SULF2: variants seen among roughly 807,000 people sequenced by gnomAD.
The protein encoded by SULF2 is sulfatase 2, also known as extracellular sulfatase Sulf-2.
A neutral mutation model predicts 107.7 loss-of-function variants in SULF2; 52 were observed. The ratio of observed to expected loss-of-function variants is 0.48; its 90% confidence interval spans 0.39 to 0.61. The LOEUF (loss-of-function observed/expected upper bound fraction) is 0.61, where lower values mean the gene tolerates loss of function less well. Among genes scored for constraint, SULF2 ranks in the 20% least tolerant of loss-of-function variants. The probability of loss-of-function intolerance (pLI) is 0.00; values close to 1 mark genes in which losing one functional copy is unlikely to be tolerated. For missense variants in SULF2, 993 were observed against 1,177.3 expected (o/e 0.84, Z 2.29); for synonymous variants, 460 against 464.3 (o/e 0.99, Z 0.12).
At chr20:47,740,634 A>G (rs1353566201) in intron 2 of SULF2, among the ~76,000 whole-genome samples, 1 of 142,372 alleles carries the variant, frequency 7.0e-6, no homozygotes, top group Non-Finnish European at 1.5e-5. Context: ...GGTGGTGGAA[A>G]TCCTCTTAAA....
intron 11 of SULF2, among the ~76,000 whole-genome samples, chr20:47,668,814 C>T (rs2087364810): frequency 6.6e-6 from 1 of 151,866 alleles, no homozygotes; most frequent in Non-Finnish European, 1.5e-5. Context: ...TGTGATGTGG[C>T]TGCCCATGCC....
At chr20:47,752,786 A>T (rs1256938387) in intron 2 of SULF2, among the ~76,000 whole-genome samples, 1 of 151,864 alleles carries the variant, frequency 6.6e-6, no homozygotes, top group Non-Finnish European at 1.5e-5. Flanking sequence ...AGATGTTCTG[A>T]GAGGCAAAGA....
intron 3 of SULF2, among the ~76,000 whole-genome samples, chr20:47,718,695 T>C (rs1277350873): frequency 1.3e-5 from 2 of 152,082 alleles, no homozygotes; most frequent in East Asian, 3.9e-4. Context: ...CAAGGATAAC[T>C]CAAGGTTTTT....
At chr20:47,717,974 T>C (rs1269786750) in intron 3 of SULF2, among the ~76,000 whole-genome samples, 1 of 151,976 alleles carries the variant, frequency 6.6e-6, no homozygotes, top group Non-Finnish European at 1.5e-5. Context: ...GCCACCACCA[T>C]GCCCAGCTAA....
At chr20:47,711,306 C>T (rs1418540944) in intron 3 of SULF2, among the ~76,000 whole-genome samples, 1 of 152,248 alleles carries the variant, frequency 6.6e-6, no homozygotes, top group African/African-American at 2.4e-5. Flanking sequence ...GGATCTGCCA[C>T]CTCCTAGCTG....
chr20:47,697,394 G>A (rs2088416418), intron 4 of SULF2, among the ~76,000 whole-genome samples: 1 of 152,182 alleles, frequency 6.6e-6, no homozygotes, highest in Non-Finnish European at 1.5e-5. Flanking sequence ...CTCCCTGCCT[G>A]GGCCTCCCAA....
At chr20:47,766,433 G>A (rs547690097) in intron 1 of SULF2, among the ~76,000 whole-genome samples, 1 of 152,248 alleles carries the variant, frequency 6.6e-6, no homozygotes, top group African/African-American at 2.4e-5. Flanking sequence ...GGGTCATTCA[G>A]AGGGAGGAGG....
intron 4 of SULF2, among the ~76,000 whole-genome samples, chr20:47,690,705 A>G (rs559971928): frequency 1.3e-5 from 2 of 152,084 alleles, no homozygotes; most frequent in South Asian, 4.1e-4. Context: ...CACCATCTCT[A>G]CTAAAAATAC....
In SULF2 at chr20:47,678,655, C is replaced by CCTG. The variant is rs769826587; in HGVS notation, c.1193+18_1193+20dup. On this transcript the variant is annotated intron_variant, in intron 8 of 20. Transcript: ENST00000688720. This position sits in a 1 kb window ranked among gnomAD's most constrained non-coding sequence, Gnocchi z 4.5. The stretch of plus-strand genomic sequence containing the variant: ...GGTCAATGTCCCGGCCCCCTCAACA[C>CCTG]CTGCCCTGCTCCGTCCTCACCGATT... 6.2e-7 allele frequency: 1 copy of CCTG among 1,613,124 alleles called. No individual in the cohort carries two copies. The highest frequency in any genetic ancestry group is 8.5e-7 in the Non-Finnish European group (1 of 1,179,740).
intron 5 of SULF2, among the ~76,000 whole-genome samples, chr20:47,687,487 C>G (rs974518759): frequency 6.6e-6 from 1 of 152,174 alleles, no homozygotes; most frequent in African/African-American, 2.4e-5. Context: ...CTCACAGCCC[C>G]TCCACTGTGT....
chr20:47,756,036 C>G (rs2090274144), intron 2 of SULF2, among the ~76,000 whole-genome samples: 2 of 152,052 alleles, frequency 1.3e-5, no homozygotes, highest in African/African-American at 4.8e-5. Context: ...GCACTGAATG[C>G]AACAAATGCG....
intron 2 of SULF2, 88 bp downstream of exon 2, chr20:47,757,101 C>T (rs1208674033): frequency 2.6e-5 from 33 of 1,246,648 alleles, no homozygotes; most frequent in Non-Finnish European, 2.8e-5. Flanking sequence ...GACGCATCAA[C>T]ACCACCGCCT....
intron 3 of SULF2, among the ~76,000 whole-genome samples, chr20:47,721,334 A>G (rs1238398374): frequency 6.6e-6 from 1 of 151,758 alleles, no homozygotes; most frequent in East Asian, 1.9e-4. Flanking sequence ...GGCTGGGAGA[A>G]ATGCTCTCCT....
At chr20:47,757,788 G>A (rs1373116537) in intron 1 of SULF2, among the ~76,000 whole-genome samples, 3 of 152,110 alleles carry the variant, frequency 2.0e-5, no homozygotes, top group African/African-American at 7.2e-5. Flanking sequence ...CAACTCCACA[G>A]ACAAATCGTC....
intron 1 of SULF2, among the ~76,000 whole-genome samples, chr20:47,763,321 A>G (rs6018677): frequency 0.55 from 84,126 of 151,650 alleles, 25,382 homozygotes; most frequent in African/African-American, 0.82. Context: ...CCGATCTGCC[A>G]AGAGGAACGG....
chr20:47,784,110 T>C (rs963557053), intron 1 of SULF2, among the ~76,000 whole-genome samples: 1 of 152,030 alleles, frequency 6.6e-6, no homozygotes, highest in Non-Finnish European at 1.5e-5. Context: ...AGAAAGCCCG[T>C]CTCTCCTGCT....
intron 5 of SULF2, chr20:47,685,983 C>G (rs2087990923): frequency 6.6e-6 from 1 of 152,170 alleles, no homozygotes; most frequent in Non-Finnish European, 1.5e-5. Flanking sequence ...CCAGTTAGTC[C>G]CCTCCCAAGG....
At chr20:47,753,784 C>T (rs1431418644) in intron 2 of SULF2, among the ~76,000 whole-genome samples, 1 of 152,202 alleles carries the variant, frequency 6.6e-6, no homozygotes, top group Admixed American at 6.5e-5. Flanking sequence ...CCCAGAGGCT[C>T]CCCAGAGGTT....
chr20:47,681,553 T>C (rs575532671), intron 7 of SULF2, among the ~76,000 whole-genome samples: 127 of 152,288 alleles, frequency 8.3e-4, no homozygotes, highest in African/African-American at 2.2e-3. Flanking sequence ...AGAGACTGCC[T>C]GGTTTCAAGC....
Sources: allele counts gnomAD v4.1 joint callset (sites outside exome capture counted in the v4.1 genomes callset), GRCh38; gene constraint gnomAD v4.1.1; non-coding constraint Gnocchi (gnomAD v3.1); transcripts MANE v1.5; gene names NCBI Gene and HGNC (gene_info 2026-07-23, HGNC 2026-07-21).